The following C10orf53 variants were observed in gnomAD, a reference collection of about 807,000 sequenced individuals.
C10orf53 encodes the protein UPF0728 protein C10orf53.
C10orf53 carries 8 observed loss-of-function variants against 9.4 expected under a neutral mutation model. That is an observed-to-expected ratio of 0.85 (90% CI 0.50 to 1.53). The LOEUF is 1.53. Among genes scored for constraint, C10orf53 ranks in the 40% most tolerant of loss-of-function variants. C10orf53 has a pLI of 0.00. For synonymous variants in C10orf53, 48 were observed against 46.0 expected (o/e 1.04, Z -0.18); for missense variants, 117 against 117.8 (o/e 0.99, Z 0.03).
rs1185599404 is a variant in C10orf53, at chr10:49,695,412, A to AG, written c.*815dup. The AG allele has an allele frequency of 6.6e-6, 1 of 152,122 alleles. No homozygotes were observed. 9.4% of individuals were successfully genotyped at this position (152,122 alleles called of 1,614,324 possible). Reference sequence around the variant, plus strand: ...TATTCTTAACTATAGAGTAACAGAGAGGGGGAAATGCAGATATTGATCTAA... The same window carrying AG: ...TATTCTTAACTATAGAGTAACAGAGAGGGGGGAAATGCAGATATTGATCTAA... On this transcript the variant is annotated 3_prime_UTR_variant, in exon 3 of 3. Coordinates refer to ENST00000374111, the MANE Select transcript of C10orf53 (RefSeq NM_001042427.3).
In C10orf53 at chr10:49,693,755, CCTT is replaced by C. The variant is rs768981043; in HGVS notation, c.98-18_98-16del. ...AAGTCTGACCCCATGTCACTCACCT[CCTT>C]TTCTTTCCTTCCCAGCTGTGTTGGC... On this transcript the variant is annotated splice_polypyrimidine_tract_variant and intron_variant, in intron 1 of 2. Transcript: ENST00000374111. 1 of 1,611,276 alleles carries C rather than the reference CCTT, an allele frequency of 6.2e-7. No homozygotes were observed.
intron 2 of C10orf53, chr10:49,708,327 A>T (rs567282829): frequency 6.2e-7 from 1 of 1,606,186 alleles, no homozygotes; most frequent in South Asian, 1.1e-5. Flanking sequence ...CCATCTCTTG[A>T]TGCTGCTTTC....
At chr10:49,687,549 T>C (rs1471002320) in intron 1 of C10orf53, among the ~76,000 whole-genome samples, 2 of 152,222 alleles carry the variant, frequency 1.3e-5, no homozygotes, top group Non-Finnish European at 2.9e-5. Flanking sequence ...TCAAGTGGTT[T>C]TACCTTTATG....
chr10:49,709,233 C>T (rs866925832), exon 3 of C10orf53: 4 of 152,590 alleles, frequency 2.6e-5, no homozygotes, highest in African/African-American at 7.2e-5. Context: ...GACCTCAACT[C>T]TAGGGCTTGT....
intron 1 of C10orf53, among the ~76,000 whole-genome samples, chr10:49,683,167 C>T (rs1286502156): frequency 2.6e-5 from 4 of 152,340 alleles, no homozygotes; most frequent in Non-Finnish European, 5.9e-5. Context: ...ATTTTACATT[C>T]CCACTAGCAA....
downstream of C10orf53, among the ~76,000 whole-genome samples, chr10:49,699,570 T>C (rs973858665): frequency 6.6e-6 from 1 of 152,080 alleles, no homozygotes; most frequent in Non-Finnish European, 1.5e-5. Flanking sequence ...GTTACTGTGA[T>C]GATCACCTGC....
At chr10:49,684,066 A>C (rs1840504815) in intron 1 of C10orf53, among the ~76,000 whole-genome samples, 1 of 152,190 alleles carries the variant, frequency 6.6e-6, no homozygotes, top group South Asian at 2.1e-4. Context: ...ATTCATATGG[A>C]TATCCAATTA....
rs1840630072 is a variant in C10orf53, at chr10:49,695,868, A to G, written c.*1266A>G. On this transcript the variant is annotated 3_prime_UTR_variant, in exon 3 of 3. Coordinates refer to ENST00000374111, the MANE Select transcript of C10orf53 (RefSeq NM_001042427.3). ...CCCAGTGTCTGGTGCTGGTTTTCAC[A>G]TATCTTTTGTAACCCTACATTTAGT... The G allele has an allele frequency of 6.6e-6, 1 of 152,222 alleles. No homozygotes were observed. The allele number at this position is 152,222 out of a possible 1,614,324, so 9.4% of individuals were successfully genotyped here. A position where few individuals can be genotyped will look rare whatever the true frequency, so the allele number is the denominator to read the frequency against.
rs867139603 is a variant in C10orf53 at position 49,696,445 on chromosome 10, C to T, written c.*1843C>T. 1.3e-5 allele frequency among the ~76,000 whole-genome samples: 2 copies of T among 152,198 alleles called. No homozygotes were observed. The highest frequency in any genetic ancestry group is 2.1e-4 in the South Asian group (1 of 4,832). ...CCTGTCTCCTCTAGCCCTGCAACCC[C>T]GGCATTAAACTGGTAACAAGTGCTT... On this transcript the variant is annotated 3_prime_UTR_variant, in exon 3 of 3. Coordinates refer to ENST00000374111, the MANE Select transcript of C10orf53 (RefSeq NM_001042427.3).
Position 49,693,799 on chromosome 10 carries a change from G to A in C10orf53, c.123G>A (p.Glu41=), listed in dbSNP as rs763164231. The stretch of plus-strand genomic sequence containing the variant: ...CTGTGTTGGCCATAGATGGACATGA[G>A]GTCATCCTAGAGAAGATAGAAGACT... ...LQAVLAIDGH[E]VILEKIEDWN... is the part of the protein sequence containing the mutation. The change falls in exon 2 of 3, where the codon GAG becomes GAA. Residue 41 remains glutamate (E), a synonymous_variant. Coordinates refer to ENST00000374111, the MANE Select transcript of C10orf53 (RefSeq NM_001042427.3). The A allele has an allele frequency of 1.2e-6, 2 of 1,613,872 alleles. No homozygotes were observed. The highest frequency in any genetic ancestry group is 1.7e-6 in the Non-Finnish European group (2 of 1,179,798).
intron 2 of C10orf53, among the ~76,000 whole-genome samples, chr10:49,707,344 C>A (rs1335670310): frequency 6.6e-6 from 1 of 152,198 alleles, no homozygotes; most frequent in African/African-American, 2.4e-5. Context: ...AGCTTTCCCA[C>A]TCCATCCCTT....
At chr10:49,700,381 A>G (rs1357509282), downstream of C10orf53, among the ~76,000 whole-genome samples, 4 of 152,182 alleles carry the variant, frequency 2.6e-5, no homozygotes, top group Non-Finnish European at 5.9e-5. Flanking sequence ...ATTTCCCCCC[A>G]AGGGGAATGA....
chr10:49,692,455 C>G (rs927268589), intron 1 of C10orf53, among the ~76,000 whole-genome samples: 2 of 152,090 alleles, frequency 1.3e-5, no homozygotes, highest in African/African-American at 4.8e-5. Context: ...GTGGACACAC[C>G]AACATTTTGA....
At chr10:49,680,159 A>G (rs897169755) in intron 1 of C10orf53, among the ~76,000 whole-genome samples, 5 of 152,272 alleles carry the variant, frequency 3.3e-5, no homozygotes, top group Admixed American at 2.0e-4. Flanking sequence ...TTAATCGTTC[A>G]TGCAGCAGAC....
In C10orf53 at chr10:49,679,757, G is replaced by A. The variant is rs149069015; in HGVS notation, c.60G>A (p.Pro20=). ...GGCCCTACAGCGCGGCAGGCCTACC[G>A]GTGGAGCACCACACCTTCCGCCTGC... ...RYGPYSAAGL[P]VEHHTFRLQG... Residue 20 remains proline, a synonymous_variant, in exon 1 of 3, where the codon CCG becomes CCA. Transcript: ENST00000374111. The A allele has an allele frequency of 2.8e-3, 4,406 of 1,546,254 alleles. 97 individuals are homozygous for A. In the African/African-American group the frequency reaches 0.052, roughly 18 times the overall value.
At chr10:49,686,974 A>G (rs972624023) in intron 1 of C10orf53, among the ~76,000 whole-genome samples, 1 of 152,246 alleles carries the variant, frequency 6.6e-6, no homozygotes, top group Non-Finnish European at 1.5e-5. Context: ...GACTGCCACC[A>G]GGTCAGAGAA....
chr10:49,708,610 C>G, exon 3 of C10orf53: 1 of 1,614,020 alleles, frequency 6.2e-7, no homozygotes, highest in African/African-American at 1.3e-5. Flanking sequence ...GGAACTCAGC[C>G]CTACTGAAAT....
At chr10:49,700,884 C>T (rs964870348), downstream of C10orf53, among the ~76,000 whole-genome samples, 10 of 152,142 alleles carry the variant, frequency 6.6e-5, no homozygotes, top group South Asian at 4.1e-4. Context: ...AGTAAAAGCA[C>T]ATTAGATGAT....
chr10:49,708,184 C>A (rs971781171), intron 2 of C10orf53, among the ~76,000 whole-genome samples: 1 of 152,120 alleles, frequency 6.6e-6, no homozygotes, highest in African/African-American at 2.4e-5. Context: ...AGGAAATGTT[C>A]ATCTTCAAGC....
Sources: allele counts gnomAD v4.1 joint callset (sites outside exome capture counted in the v4.1 genomes callset), GRCh38; gene constraint gnomAD v4.1.1; transcripts MANE v1.5; gene names NCBI Gene and HGNC (gene_info 2026-07-23, HGNC 2026-07-21).